Variants in TXNDC11 observed in about 807,000 individuals in gnomAD.
TXNDC11 encodes the protein thioredoxin domain-containing protein 11.
TXNDC11 carries 68 observed loss-of-function variants against 78.0 expected under a neutral mutation model. That is an observed-to-expected ratio of 0.87 (90% CI 0.72 to 1.07). TXNDC11 has a LOEUF of 1.07. TXNDC11 is among the 50% of genes least tolerant of loss of function. The probability of loss-of-function intolerance (pLI) is 0.00; values close to 1 mark genes in which losing one functional copy is unlikely to be tolerated. For synonymous variants in TXNDC11, 571 were observed against 495.2 expected (o/e 1.15, Z -2.03); for missense variants, 1,389 against 1,221.8 (o/e 1.14, Z -2.04).
At chr16:11,715,460 G>A (rs1597463257) in intron 5 of TXNDC11, among the ~76,000 whole-genome samples, 4 of 19,066 alleles carry the variant, frequency 2.1e-4, no homozygotes, top group Admixed American at 1.5e-3. Context: ...ACCCTGTCAC[G>A]GCAAAAAAAA....
intron 5 of TXNDC11, among the ~76,000 whole-genome samples, chr16:11,707,781 A>G (rs894357736): frequency 6.6e-6 from 1 of 151,924 alleles, no homozygotes; most frequent in African/African-American, 2.4e-5. Flanking sequence ...TAGTGTAGCT[A>G]CTAGAAAAGT....
At chr16:11,712,112 C>T (rs918242981) in intron 5 of TXNDC11, among the ~76,000 whole-genome samples, 5 of 152,020 alleles carry the variant, frequency 3.3e-5, no homozygotes, top group Non-Finnish European at 7.4e-5. Context: ...CTTGGAGAAA[C>T]AGGATCAACA....
At chr16:11,732,142 TAAG>T (rs2052074591) in intron 3 of TXNDC11, among the ~76,000 whole-genome samples, 1 of 152,280 alleles carries the variant, frequency 6.6e-6, no homozygotes, top group South Asian at 2.1e-4. Flanking sequence ...ATCTGTAAAA[TAAG>T]AAGGTTGGAC....
intron 5 of TXNDC11, among the ~76,000 whole-genome samples, chr16:11,714,635 G>A (rs1026893217): frequency 2.7e-5 from 4 of 149,316 alleles, no homozygotes; most frequent in Admixed American, 6.6e-5. Context: ...GCAAGACTCC[G>A]TCTCAAAAAA....
chr16:11,698,973 A>C (rs1402402406), intron 6 of TXNDC11, among the ~76,000 whole-genome samples: 6 of 152,248 alleles, frequency 3.9e-5, no homozygotes, highest in African/African-American at 1.4e-4. Context: ...GTTTTGCTAT[A>C]AACAACCAAT....
chr16:11,714,639 C>T (rs77849138), intron 5 of TXNDC11, among the ~76,000 whole-genome samples: 1 of 138,062 alleles, frequency 7.2e-6, no homozygotes, highest in Non-Finnish European at 1.6e-5. Flanking sequence ...GACTCCGTCT[C>T]AAAAAAAAAA....
At chr16:11,716,385 C>A (rs527835416) in intron 5 of TXNDC11, among the ~76,000 whole-genome samples, 1 of 152,102 alleles carries the variant, frequency 6.6e-6, no homozygotes, top group African/African-American at 2.4e-5. Flanking sequence ...AGAATATGAC[C>A]CCTCTACCAA....
At chr16:11,697,496 C>CGCCT (rs2050890354) in intron 7 of TXNDC11, among the ~76,000 whole-genome samples, 1 of 152,200 alleles carries the variant, frequency 6.6e-6, no homozygotes, top group Non-Finnish European at 1.5e-5. Context: ...TGTCTCTGAG[C>CGCCT]GCCTCCAAAT....
intron 4 of TXNDC11, among the ~76,000 whole-genome samples, chr16:11,724,334 A>C (rs1329999721): frequency 1.3e-5 from 2 of 152,222 alleles, no homozygotes; most frequent in African/African-American, 2.4e-5. Flanking sequence ...CTACTGATGT[A>C]GAAGCTACCA....
At chr16:11,711,186 T>C (rs112387981) in intron 5 of TXNDC11, among the ~76,000 whole-genome samples, 1 of 152,186 alleles carries the variant, frequency 6.6e-6, no homozygotes, top group African/African-American at 2.4e-5. Context: ...TATCACCTGC[T>C]GCACCTCAGT....
At chr16:11,715,203 G>A (rs1331251228) in intron 5 of TXNDC11, among the ~76,000 whole-genome samples, 1 of 152,192 alleles carries the variant, frequency 6.6e-6, no homozygotes, top group East Asian at 1.9e-4. Flanking sequence ...AGTGAGCAGA[G>A]AACGGATGTC....
chr16:11,689,016 C>T (rs1389632389), intron 8 of TXNDC11, among the ~76,000 whole-genome samples: 2 of 151,686 alleles, frequency 1.3e-5, no homozygotes, highest in African/African-American at 2.4e-5. Context: ...TTTGAACCAA[C>T]AGTTTTACCA....
chr16:11,684,289 A>C (rs752481371), intron 10 of TXNDC11, 44 bp from the exon 11 acceptor site: 2 of 1,449,576 alleles, frequency 1.4e-6, no homozygotes, highest in Admixed American at 1.8e-5. Flanking sequence ...TCAGCCCAAG[A>C]AACACCAACT....
chr16:11,688,901 T>A (rs985797655), intron 8 of TXNDC11, among the ~76,000 whole-genome samples: 1 of 152,206 alleles, frequency 6.6e-6, no homozygotes, highest in African/African-American at 2.4e-5. Flanking sequence ...AGCTACAGTT[T>A]TTTGTTTCCT....
intron 5 of TXNDC11, among the ~76,000 whole-genome samples, chr16:11,702,446 T>C (rs1341394183): frequency 2.0e-5 from 3 of 152,160 alleles, no homozygotes; most frequent in Non-Finnish European, 1.5e-5. Flanking sequence ...GGTGGGTGGA[T>C]TGCCTGAGCT....
intron 4 of TXNDC11, among the ~76,000 whole-genome samples, chr16:11,728,521 T>C (rs1398765983): frequency 3.3e-5 from 5 of 152,232 alleles, no homozygotes; most frequent in African/African-American, 1.2e-4. Context: ...GTTTAATCAC[T>C]GTTGTACATC....
At chr16:11,709,950 C>T (rs1645645738) in intron 5 of TXNDC11, among the ~76,000 whole-genome samples, 1 of 152,148 alleles carries the variant, frequency 6.6e-6, no homozygotes, top group African/African-American at 2.4e-5. Flanking sequence ...CACAGTGGCT[C>T]ACACCACCAC....
At chr16:11,727,608 A>G (rs2141104522) in intron 4 of TXNDC11, among the ~76,000 whole-genome samples, 1 of 152,224 alleles carries the variant, frequency 6.6e-6, no homozygotes, top group East Asian at 1.9e-4. Context: ...GTTGAGTATC[A>G]GAGACAGCTC....
chr16:11,692,021 A>T lies in TXNDC11; in HGVS notation c.1169T>A (p.Leu390His). ...CHGDQVVERLLQHLRRVDAPV... is the reference protein window; with the variant it reads ...CHGDQVVERLHQHLRRVDAPV... ...AGCATCCACCCGCCGCAGGTGCTGA[A>T]GGAGACGCTCCACCACCTGGTCCCC... The change falls in exon 8 of 12, where the codon CTT becomes CAT. Residue 390 changes from leucine (L) to histidine (H), a missense_variant. Physicochemically the swap from Leu to His is moderately conservative, Grantham distance 99 (BLOSUM62 -3). Transcript: ENST00000283033. 1 of 1,560,970 alleles carries T rather than the reference A, an allele frequency of 6.4e-7. No homozygotes were observed. The highest frequency in any genetic ancestry group is 8.7e-7 in the Non-Finnish European group (1 of 1,153,418).
Sources: gnomAD v4.1 joint callset for allele counts (sites outside exome capture counted in the v4.1 genomes callset) on GRCh38, gnomAD v4.1.1 for gene constraint, MANE v1.5 for transcripts, NCBI Gene and HGNC (gene_info 2026-07-23, HGNC 2026-07-21) for gene names.